Variants in EGF observed in about 807,000 individuals in gnomAD.
EGF encodes pro-epidermal growth factor.
EGF carries 95 observed loss-of-function variants against 143.8 expected under a neutral mutation model. The observed-to-expected ratio is 0.66, with a 90% confidence interval of 0.56 to 0.78. The LOEUF is 0.78. Ranked by LOEUF, EGF falls within the 30% of genes least tolerant of loss-of-function variation. The probability of loss-of-function intolerance (pLI) is 0.00; values close to 1 mark genes in which losing one functional copy is unlikely to be tolerated. For missense variants in EGF, 1,320 were observed against 1,470.9 expected, an observed-to-expected ratio of 0.90 and a Z score of 1.68; for synonymous variants, 510 against 510.5, an observed-to-expected ratio of 1.00 and a Z score of 0.01.
intron 10 of EGF, among the ~76,000 whole-genome samples, chr4:109,965,753 CT>C (rs1456510245): frequency 6.6e-6 from 1 of 152,104 alleles, no homozygotes; most frequent in African/African-American, 2.4e-5. Context: ...GGTTCCACCC[CT>C]GACCACTAAA....
At chr4:109,938,032 T>C (rs991931975) in intron 1 of EGF, among the ~76,000 whole-genome samples, 3 of 152,198 alleles carry the variant, frequency 2.0e-5, no homozygotes, top group East Asian at 1.9e-4. Flanking sequence ...GGGTGTTCTC[T>C]GTATTTCCTG....
intron 1 of EGF, among the ~76,000 whole-genome samples, chr4:109,937,428 G>A (rs1199665889): frequency 6.7e-6 from 1 of 149,598 alleles, no homozygotes; most frequent in Non-Finnish European, 1.5e-5. Flanking sequence ...GAGCCTATGT[G>A]AGTCTTTGCA....
chr4:109,951,373 C>A (rs775390355), intron 5 of EGF, among the ~76,000 whole-genome samples: 3 of 151,312 alleles, frequency 2.0e-5, no homozygotes, highest in Non-Finnish European at 4.4e-5. Flanking sequence ...CCACCCCCCA[C>A]AAAAAAACCA....
intron 20 of EGF, among the ~76,000 whole-genome samples, chr4:109,998,444 T>C (rs879809122): frequency 6.6e-6 from 1 of 152,250 alleles, no homozygotes; most frequent in Non-Finnish European, 1.5e-5. Context: ...CAGAGAACCA[T>C]TGGAGTCAAA....
chr4:109,991,393 G>T (rs1432635187), intron 18 of EGF, among the ~76,000 whole-genome samples: 2 of 152,132 alleles, frequency 1.3e-5, no homozygotes, highest in Non-Finnish European at 2.9e-5. Flanking sequence ...CAAAGTTCTA[G>T]GCAACAGGGA....
At position 109,943,925 on chromosome 4, in the gene EGF, C is replaced by T. The variant is rs1301612422; in HGVS notation, c.593C>T (p.Thr198Ile). The T allele has an allele frequency of 6.2e-7, 1 of 1,613,944 alleles. No individual in the cohort carries two copies. Among genetic ancestry groups the T allele is most frequent in the Non-Finnish European group, 8.5e-7 (1 of 1,180,032 alleles). ...DGVGVKALLETSEKITAVSLD... is the reference protein window; with the variant it reads ...DGVGVKALLEISEKITAVSLD... Reference sequence around the variant, plus strand: ...GTGGGAGTGAAGGCTCTGTTGGAGACATCAGAGAAAATAACAGCTGTGTCA... The same window carrying T: ...GTGGGAGTGAAGGCTCTGTTGGAGATATCAGAGAAAATAACAGCTGTGTCA... The change falls in exon 4 of 24, where the codon ACA (threonine) becomes ATA (isoleucine). Residue 198 changes from threonine to isoleucine, a missense_variant. Transcript: ENST00000265171.
At position 109,954,780 on chromosome 4, in the gene EGF, G is replaced by A. The variant is rs556644205; in HGVS notation, c.941-4532G>A. Among the ~76,000 whole-genome samples the A allele has an allele frequency of 3.3e-5, 5 of 152,102 alleles. No homozygotes were observed. The South Asian group carries it at 6.2e-4, about 19-fold the overall frequency. On this transcript the variant is annotated intron_variant, in intron 5 of 23. Coordinates refer to ENST00000265171, the MANE Select transcript of EGF (RefSeq NM_001963.6). ...TTTTACGTATCTGGTAAAAAGAGGGGGATTACAGTCAAAGGGCTTGGAATA... is the reference window on the plus strand; with the variant it reads ...TTTTACGTATCTGGTAAAAAGAGGGAGATTACAGTCAAAGGGCTTGGAATA...
At chr4:109,945,385 C>T in intron 5 of EGF, 110 bp downstream of exon 5, 1 of 954,036 alleles carries the variant, frequency 1.0e-6, no homozygotes, top group Non-Finnish European at 1.6e-6. Context: ...TTTCTTCAAC[C>T]CTCATATATT....
intron 9 of EGF, 96 bp from the exon 10 acceptor site, chr4:109,964,305 T>G: frequency 1.3e-6 from 2 of 1,548,774 alleles, no homozygotes; most frequent in South Asian, 1.1e-5. Context: ...CTGTAGAAAT[T>G]GGGTAAAAAG....
chr4:109,950,947 G>C (rs1170632096), intron 5 of EGF, among the ~76,000 whole-genome samples: 1 of 152,022 alleles, frequency 6.6e-6, no homozygotes, highest in Non-Finnish European at 1.5e-5. Context: ...TTAGTCCTTA[G>C]AGGACAGAGA....
At chr4:109,919,981 G>A (rs77648837) in intron 1 of EGF, among the ~76,000 whole-genome samples, 2,287 of 151,788 alleles carry the variant, frequency 0.015, 145 homozygotes, top group African/African-American at 0.052. Flanking sequence ...GCTATTGGGA[G>A]CATCAAATAG....
intron 23 of EGF, among the ~76,000 whole-genome samples, chr4:110,009,837 C>T (rs921410329): frequency 1.3e-5 from 2 of 152,182 alleles, no homozygotes; most frequent in African/African-American, 2.4e-5. Context: ...TCCATAAAAC[C>T]ATCTTCACTG....
chr4:109,969,181 T>C (rs546516009), intron 11 of EGF, 62 bp downstream of exon 11: 4 of 1,606,716 alleles, frequency 2.5e-6, no homozygotes, highest in African/African-American at 2.7e-5. Flanking sequence ...GGTAATACTA[T>C]TGGCTTCATC....
At chr4:109,993,922 C>A (rs759750388) in intron 19 of EGF, among the ~76,000 whole-genome samples, 5 of 152,056 alleles carry the variant, frequency 3.3e-5, no homozygotes, top group Admixed American at 1.3e-4. Flanking sequence ...TTCACCTAGA[C>A]CCTGGAGACC....
intron 18 of EGF, among the ~76,000 whole-genome samples, chr4:109,989,911 C>T (rs1750694341): frequency 6.6e-6 from 1 of 152,040 alleles, no homozygotes; most frequent in African/African-American, 2.4e-5. Context: ...TTCTCTCTCC[C>T]CCAGCTCACT....
chr4:109,936,011 T>C (rs137997485), intron 1 of EGF, among the ~76,000 whole-genome samples: 14,010 of 152,148 alleles, frequency 0.092, 845 homozygotes, highest in East Asian at 0.19. Flanking sequence ...ATTCTCTTTT[T>C]TTTGTTGTGT....
At chr4:109,949,653 T>TA (rs947219125) in intron 5 of EGF, among the ~76,000 whole-genome samples, 7 of 151,836 alleles carry the variant, frequency 4.6e-5, no homozygotes, top group Admixed American at 3.9e-4. Context: ...CAAATTTTTT[T>TA]AAAAAAAGGA....
intron 7 of EGF, among the ~76,000 whole-genome samples, chr4:109,961,625 A>G (rs1745712628): frequency 6.6e-6 from 1 of 152,178 alleles, no homozygotes; most frequent in Non-Finnish European, 1.5e-5. Flanking sequence ...TATTGTATCT[A>G]AAAAACTTAA....
chr4:109,928,584 G>T (rs1739141333), intron 1 of EGF, among the ~76,000 whole-genome samples: 1 of 152,168 alleles, frequency 6.6e-6, no homozygotes, highest in East Asian at 1.9e-4. Flanking sequence ...AATGAATGGG[G>T]ATTACCTGCA....
Sources: gnomAD v4.1 joint callset for allele counts (sites outside exome capture counted in the v4.1 genomes callset) on GRCh38, gnomAD v4.1.1 for gene constraint, MANE v1.5 for transcripts, NCBI Gene and HGNC (gene_info 2026-07-23, HGNC 2026-07-21) for gene names.